The following RIC1 variants were observed in gnomAD, a reference collection of about 807,000 sequenced individuals.
The protein encoded by RIC1 is guanine nucleotide exchange factor subunit RIC1.
RIC1 carries 88 observed loss-of-function variants against 169.0 expected under a neutral mutation model. The ratio of observed to expected loss-of-function variants is 0.52; its 90% CI spans 0.44 to 0.62. RIC1 has a LOEUF of 0.62. Ranked by LOEUF, RIC1 falls within the 20% of genes least tolerant of loss-of-function variation. The pLI, the probability that RIC1 is intolerant of heterozygous loss-of-function variation, is 0.00. For missense variants in RIC1, 1,877 were observed against 1,725.5 expected, an observed-to-expected ratio of 1.09 and a Z score of -1.56; for synonymous variants, 790 against 601.5, an observed-to-expected ratio of 1.31 and a Z score of -4.59.
chr9:5,660,224 A>G (rs1410480879), intron 2 of RIC1, among the ~76,000 whole-genome samples: 2 of 152,162 alleles, frequency 1.3e-5, no homozygotes, highest in Non-Finnish European at 2.9e-5. Context: ...CATCGTGTAT[A>G]TGTACCACAT....
intron 1 of RIC1, among the ~76,000 whole-genome samples, chr9:5,647,518 G>A (rs1818577596): frequency 6.6e-6 from 1 of 152,054 alleles, no homozygotes; most frequent in African/African-American, 2.4e-5. Context: ...GAAGTCTTTT[G>A]CCTGCTTGGT....
chr9:5,743,839 C>A, intron 10 of RIC1, 102 bp downstream of exon 10: 2 of 835,524 alleles, frequency 2.4e-6, no homozygotes, highest in Non-Finnish European at 1.9e-6. Flanking sequence ...GAGACAGGGT[C>A]TTACACTGTC....
intron 1 of RIC1, among the ~76,000 whole-genome samples, chr9:5,643,150 T>TA (rs1157805872): frequency 1.3e-5 from 2 of 152,058 alleles, no homozygotes; most frequent in South Asian, 4.2e-4. Context: ...AAAATAAAAA[T>TA]AAAAAAATCA....
Position 5,774,139 on chromosome 9 carries a change from G to A in RIC1, c.4165G>A (p.Gly1389Ser), listed in dbSNP as rs1827437276. 2 of 1,614,060 alleles carry A rather than the reference G, an allele frequency of 1.2e-6. No homozygotes were observed. The highest frequency in any genetic ancestry group is 2.2e-5 in the South Asian group (2 of 91,066). Residue 1389 changes from glycine (G) to serine (S), a missense_variant, in exon 26 of 26, where the codon GGT (glycine) becomes AGT (serine). Around this residue, in one of 3 missense-constraint regions of RIC1, gnomAD observed 681 missense variants for 582.0 expected, o/e 1.17. Coordinates refer to ENST00000414202, the MANE Select transcript of RIC1 (RefSeq NM_020829.4). ...GSSSHGSIPQ[G>S]EVGSSNMVSR... The stretch of plus-strand genomic sequence containing the variant: ...CTCCAGCCATGGAAGCATCCCCCAG[G>A]GTGAAGTTGGAAGCAGCAATATGGT...
intron 2 of RIC1, among the ~76,000 whole-genome samples, chr9:5,665,051 T>G (rs1819670807): frequency 6.6e-6 from 1 of 152,200 alleles, no homozygotes; most frequent in Admixed American, 6.5e-5. Flanking sequence ...AGTTTAAGTC[T>G]CTTTCAAGGT....
At chr9:5,695,215 A>G (rs559588254) in intron 3 of RIC1, among the ~76,000 whole-genome samples, 11 of 152,364 alleles carry the variant, frequency 7.2e-5, no homozygotes, top group Admixed American at 3.3e-4. Context: ...GGTGAGATTT[A>G]GCAGGTATGA....
chr9:5,752,193 A>C (rs998049659), intron 12 of RIC1, among the ~76,000 whole-genome samples: 7 of 152,222 alleles, frequency 4.6e-5, no homozygotes, highest in Non-Finnish European at 8.8e-5. Context: ...CAAAGATGTA[A>C]GACAGACAAC....
intron 12 of RIC1, 143 bp downstream of exon 12, chr9:5,747,648 G>A: frequency 1.4e-6 from 1 of 724,834 alleles, no homozygotes; most frequent in South Asian, 1.8e-5. Context: ...CTGCTTTTCT[G>A]TGTTCTTGTC....
At chr9:5,773,689 A>C (rs1486300294) in intron 25 of RIC1, among the ~76,000 whole-genome samples, 2 of 152,174 alleles carry the variant, frequency 1.3e-5, no homozygotes, top group Admixed American at 1.3e-4. Context: ...ATTGTAAAAT[A>C]TAATTTTTAG....
rs1826005284 is a variant in RIC1 at position 5,756,235 on chromosome 9, A to C, written c.1716A>C (p.Ser572=). 1 of 1,580,066 alleles carries C rather than the reference A, an allele frequency of 6.3e-7. No homozygotes were observed. Among genetic ancestry groups the C allele is most frequent in the Non-Finnish European group, 8.6e-7 (1 of 1,160,622 alleles). Residue 572 remains serine, a synonymous_variant, in exon 16 of 26, where the codon TCA becomes TCC. Coordinates refer to ENST00000414202, the MANE Select transcript of RIC1 (RefSeq NM_020829.4). ...QEELRVYLRT[S]NLDNAFAHVT... is the part of the protein sequence containing the mutation. ...AGCTTAGAGTATACTTGCGAACATC[A>C]AATCTGGACAATGCCTTTGCTCATG...
chr9:5,706,403 G>A (rs1218016365), intron 3 of RIC1, among the ~76,000 whole-genome samples: 2 of 152,146 alleles, frequency 1.3e-5, no homozygotes, highest in Non-Finnish European at 2.9e-5. Context: ...GGTGAGCTGA[G>A]ATCGCACCAC....
chr9:5,742,149 T>G (rs897690798), intron 8 of RIC1, among the ~76,000 whole-genome samples: 1 of 152,178 alleles, frequency 6.6e-6, no homozygotes, highest in African/African-American at 2.4e-5. Flanking sequence ...GAGGCTTTTT[T>G]CTCATTCTCT....
chr9:5,744,196 T>G (rs1407723001), intron 10 of RIC1, among the ~76,000 whole-genome samples: 2 of 152,186 alleles, frequency 1.3e-5, no homozygotes, highest in African/African-American at 4.8e-5. Context: ...CTGTCATCTT[T>G]ATGATGATAA....
At chr9:5,686,525 G>C (rs949699792) in intron 2 of RIC1, among the ~76,000 whole-genome samples, 3 of 150,140 alleles carry the variant, frequency 2.0e-5, no homozygotes, top group African/African-American at 7.4e-5. Flanking sequence ...ACTATCACAA[G>C]AACAAAAAAC....
chr9:5,631,995 T>C (rs908667848), intron 1 of RIC1, among the ~76,000 whole-genome samples: 2 of 152,324 alleles, frequency 1.3e-5, no homozygotes, highest in African/African-American at 4.8e-5. Context: ...CTCATGGAGC[T>C]GCTAAAAGCT....
At chr9:5,730,761 C>A (rs1824324900) in intron 6 of RIC1, among the ~76,000 whole-genome samples, 1 of 152,042 alleles carries the variant, frequency 6.6e-6, no homozygotes, top group Non-Finnish European at 1.5e-5. Flanking sequence ...TATTATAATT[C>A]ATGACAGAAA....
Position 5,771,572 on chromosome 9 carries a change from A to C in RIC1, c.3617-992A>C, listed in dbSNP as rs1259662988. 2.7e-5 allele frequency among the ~76,000 whole-genome samples: 4 copies of C among 148,976 alleles called. No individual in the cohort carries two copies. The South Asian group carries it at 8.5e-4, about 31-fold the overall frequency. ...AATGGGACTGCTGGGTCATAATTCTACTTGCATTTTTTTTGAGGAATCGCC... is the reference window on the plus strand; with the variant it reads ...AATGGGACTGCTGGGTCATAATTCTCCTTGCATTTTTTTTGAGGAATCGCC... On this transcript the variant is annotated intron_variant, in intron 23 of 25. Transcript: ENST00000414202.
intron 2 of RIC1, among the ~76,000 whole-genome samples, chr9:5,685,960 G>T (rs1490179057): frequency 6.6e-6 from 1 of 151,730 alleles, no homozygotes; most frequent in African/African-American, 2.4e-5. Context: ...TCAAAAAGTG[G>T]GCGAAGGACA....
intron 8 of RIC1, among the ~76,000 whole-genome samples, chr9:5,739,852 C>A (rs1824961078): frequency 7.4e-6 from 1 of 135,318 alleles, no homozygotes; most frequent in Non-Finnish European, 1.7e-5. Flanking sequence ...TTCCAAGTTG[C>A]AGGGTCCCAT....
Sources: allele counts gnomAD v4.1 joint callset (sites outside exome capture counted in the v4.1 genomes callset), GRCh38; gene constraint gnomAD v4.1.1; regional missense constraint gnomAD v4.1.1; transcripts MANE v1.5; gene names NCBI Gene and HGNC (gene_info 2026-07-23, HGNC 2026-07-21).